The following IL7 variants were observed in gnomAD, a reference collection of about 807,000 sequenced individuals.
IL7 encodes interleukin-7.
IL7 carries 3 observed loss-of-function variants against 21.6 expected under a neutral mutation model. That is an observed-to-expected ratio of 0.14 (90% CI 0.06 to 0.36). The LOEUF is 0.36. Ranked by LOEUF, IL7 falls within the 10% of genes least tolerant of loss-of-function variation. The pLI, the probability that IL7 is intolerant of heterozygous loss-of-function variation, is 1.00. For synonymous variants in IL7, 62 were observed against 68.1 expected (o/e 0.91, Z 0.44); for missense variants, 175 against 200.2 (o/e 0.87, Z 0.76).
chr8:78,730,608 T>C (rs1019491956), downstream of IL7, among the ~76,000 whole-genome samples: 1 of 151,950 alleles, frequency 6.6e-6, no homozygotes, highest in Non-Finnish European at 1.5e-5. Flanking sequence ...TTAAGTAAAT[T>C]ATTGTAGAAA....
At chr8:78,712,229 C>A in intron 3 of IL7, 1 of 413,398 alleles carries the variant, frequency 2.4e-6, no homozygotes, top group Non-Finnish European at 4.0e-6. Flanking sequence ...AATTTCTAAG[C>A]CAAAATGTGT....
chr8:78,773,220 C>G (rs1223666584), intron 2 of IL7, among the ~76,000 whole-genome samples: 1 of 152,016 alleles, frequency 6.6e-6, no homozygotes, highest in Non-Finnish European at 1.5e-5. Context: ...AGACTAGGAC[C>G]ATGTCGACAT....
intron 2 of IL7, among the ~76,000 whole-genome samples, chr8:78,774,187 A>G (rs1350692157): frequency 6.6e-6 from 1 of 152,096 alleles, no homozygotes; most frequent in Non-Finnish European, 1.5e-5. Flanking sequence ...TGAGAAGGCA[A>G]GAGATACCAA....
At chr8:78,775,514 G>C (rs1445179662) in intron 2 of IL7, among the ~76,000 whole-genome samples, 1 of 152,088 alleles carries the variant, frequency 6.6e-6, no homozygotes, top group Non-Finnish European at 1.5e-5. Context: ...TTTTACAGCA[G>C]GAATGGATCT....
At chr8:78,789,054 G>A (rs1452514611) in intron 2 of IL7, among the ~76,000 whole-genome samples, 4 of 152,060 alleles carry the variant, frequency 2.6e-5, no homozygotes, top group Non-Finnish European at 4.4e-5. Flanking sequence ...ATTTTGATTA[G>A]TGTTAACATA....
At chr8:78,751,454 A>G (rs754142400) in intron 2 of IL7, among the ~76,000 whole-genome samples, 7 of 152,212 alleles carry the variant, frequency 4.6e-5, no homozygotes, top group Admixed American at 4.6e-4. Flanking sequence ...ACAAAAATTG[A>G]GAGAATTTGT....
In IL7 at chr8:78,689,336, C is replaced by T. The variant is rs146184464; in HGVS notation, n.215-3389G>A. ...ATTAGTAATAAAGGGAAATTTTCTA[C>T]AGATACCAAAGGAAAACCAACTTCT... On this transcript the variant is annotated intron_variant and non_coding_transcript_variant, in intron 3 of 4. Coordinates refer to the IL7 transcript ENST00000523959. 8 of 1,600,156 alleles carry T rather than the reference C, an allele frequency of 5.0e-6. No homozygotes were observed. In the South Asian group the frequency reaches 6.8e-5, roughly 14 times the overall value.
At chr8:78,678,879 G>T in intron 4 of IL7, 1 of 331,674 alleles carries the variant, frequency 3.0e-6, no homozygotes, top group Non-Finnish European at 5.3e-6. Context: ...TAAAAAATAA[G>T]CTTCTAAACT....
Position 78,798,144 on chromosome 8 carries a change from A to G in IL7, c.75T>C (p.Ser25=). The G allele has an allele frequency of 6.2e-7, 1 of 1,611,628 alleles. No homozygotes were observed. The highest frequency in any genetic ancestry group is 8.5e-7 in the Non-Finnish European group (1 of 1,178,036). ...CATCTTTACCTTCAATATCACAATC[A>G]GATGATGCTACTGGCAACAGAACAA... ...LILVLLPVAS[S]DCDIEGKDGK... Residue 25 remains serine (S), a synonymous_variant, in exon 2 of 6, where the codon TCT becomes TCC. Coordinates refer to ENST00000263851, the MANE Select transcript of IL7 (RefSeq NM_000880.4).
intron 4 of IL7, among the ~76,000 whole-genome samples, chr8:78,738,039 G>A (rs1430548716): frequency 6.6e-6 from 1 of 152,016 alleles, no homozygotes; most frequent in African/African-American, 2.4e-5. Flanking sequence ...AGCCCTATTT[G>A]TATCAAAATT....
At chr8:78,702,300 G>C (rs1810630254) in intron 3 of IL7, among the ~76,000 whole-genome samples, 1 of 151,788 alleles carries the variant, frequency 6.6e-6, no homozygotes, top group Non-Finnish European at 1.5e-5. Context: ...ATTTCTATGG[G>C]GTCAAGTGGT....
intron 3 of IL7, among the ~76,000 whole-genome samples, chr8:78,721,960 G>GT (rs1202148038): frequency 6.6e-6 from 1 of 151,796 alleles, no homozygotes; most frequent in Non-Finnish European, 1.5e-5. Flanking sequence ...TCACAAGGTT[G>GT]TTTTATTGCT....
intron 3 of IL7, chr8:78,686,537 C>T (rs150032736): frequency 3.8e-4 from 594 of 1,552,880 alleles, no homozygotes; most frequent in Non-Finnish European, 4.7e-4. Flanking sequence ...ATAAGAGCAG[C>T]TAAAGGCCTT....
chr8:78,688,721 G>T (rs1473959571), intron 3 of IL7, among the ~76,000 whole-genome samples: 1 of 152,074 alleles, frequency 6.6e-6, no homozygotes, highest in Non-Finnish European at 1.5e-5. Context: ...TCTTCCATCT[G>T]TTGGGACTTT....
intron 2 of IL7, among the ~76,000 whole-genome samples, chr8:78,750,650 C>T (rs1388797718): frequency 6.6e-6 from 1 of 152,062 alleles, no homozygotes; most frequent in East Asian, 1.9e-4. Flanking sequence ...GGTGAAACCC[C>T]GTCTCTACTA....
At chr8:78,685,600 T>C (rs773557035) in intron 4 of IL7, among the ~76,000 whole-genome samples, 49 of 152,320 alleles carry the variant, frequency 3.2e-4, no homozygotes, top group South Asian at 1.9e-3. Context: ...AACAAATAAG[T>C]TGAGCAGGAA....
chr8:78,773,968 A>G (rs760366865), intron 2 of IL7, among the ~76,000 whole-genome samples: 4 of 152,148 alleles, frequency 2.6e-5, no homozygotes, highest in Non-Finnish European at 5.9e-5. Context: ...CAATTTGGCC[A>G]TATTAGGTAA....
At chr8:78,709,418 C>T (rs917220027) in intron 3 of IL7, among the ~76,000 whole-genome samples, 15 of 152,056 alleles carry the variant, frequency 9.9e-5, no homozygotes, top group Non-Finnish European at 1.8e-4. Flanking sequence ...TTTTTATGAA[C>T]TTATCTTTTA....
chr8:78,716,238 T>C (rs571502393), downstream of IL7, among the ~76,000 whole-genome samples: 6 of 151,606 alleles, frequency 4.0e-5, no homozygotes, highest in Non-Finnish European at 5.9e-5. Context: ...TTCTCCTGCC[T>C]CAGCCTCCCG....
Sources: gnomAD v4.1 joint callset for allele counts (sites outside exome capture counted in the v4.1 genomes callset) on GRCh38, gnomAD v4.1.1 for gene constraint, MANE v1.5 for transcripts, NCBI Gene and HGNC (gene_info 2026-07-23, HGNC 2026-07-21) for gene names.